ZPBP: variants seen among roughly 807,000 people sequenced by gnomAD.
The protein encoded by ZPBP is zona pellucida binding protein.
A neutral mutation model predicts 44.8 loss-of-function variants in ZPBP; 26 were observed. That is an observed-to-expected ratio of 0.58 (90% CI 0.43 to 0.81). The LOEUF (loss-of-function observed/expected upper bound fraction) is 0.81, where lower values mean the gene tolerates loss of function less well. Ranked by LOEUF, ZPBP falls within the 30% of genes least tolerant of loss-of-function variation. ZPBP has a pLI of 0.00. For missense variants in ZPBP, 409 were observed against 434.0 expected (o/e 0.94, Z 0.51); for synonymous variants, 174 against 153.2 (o/e 1.14, Z -1.00).
intron 1 of ZPBP, among the ~76,000 whole-genome samples, chr7:49,903,480 A>G (rs897304852): frequency 6.6e-6 from 1 of 152,192 alleles, no homozygotes; most frequent in Non-Finnish European, 1.5e-5. Context: ...TTAAAAGCCA[A>G]TCCCAAAGCC....
At chr7:49,856,851 T>C (rs1273318110) in intron 2 of ZPBP, among the ~76,000 whole-genome samples, 1 of 151,354 alleles carries the variant, frequency 6.6e-6, no homozygotes, top group Non-Finnish European at 1.5e-5. Context: ...CTACTAAAAA[T>C]ACAAAAAATT....
intron 2 of ZPBP, among the ~76,000 whole-genome samples, chr7:49,858,588 A>T (rs1790522112): frequency 6.6e-6 from 1 of 151,162 alleles, no homozygotes; most frequent in South Asian, 2.1e-4. Flanking sequence ...TAGCATTAGG[A>T]GATATACCTA....
At chr7:49,878,240 A>G (rs776987416) in intron 2 of ZPBP, among the ~76,000 whole-genome samples, 7 of 152,176 alleles carry the variant, frequency 4.6e-5, no homozygotes, top group Non-Finnish European at 8.8e-5. Context: ...TAAACACAGC[A>G]CACTGCAATA....
chr7:50,064,690 CAG>C (rs1801415224), intron 3 of ZPBP, among the ~76,000 whole-genome samples: 1 of 152,190 alleles, frequency 6.6e-6, no homozygotes, highest in Non-Finnish European at 1.5e-5. Flanking sequence ...CGCCAGCGGT[CAG>C]AGTTTAAGGT....
intron 3 of ZPBP, among the ~76,000 whole-genome samples, chr7:50,078,856 A>C (rs1465514553): frequency 6.6e-6 from 1 of 151,618 alleles, no homozygotes; most frequent in Non-Finnish European, 1.5e-5. Context: ...AACTTAACAA[A>C]ACAAACAAAA....
intron 1 of ZPBP, among the ~76,000 whole-genome samples, chr7:49,922,466 CCTT>C (rs1213726769): frequency 6.6e-6 from 1 of 152,174 alleles, no homozygotes; most frequent in Non-Finnish European, 1.5e-5. Context: ...TTAGAACAAT[CCTT>C]CTGCCAAGGG....
intron 2 of ZPBP, among the ~76,000 whole-genome samples, chr7:49,865,024 T>A (rs185820296): frequency 6.6e-6 from 1 of 152,004 alleles, no homozygotes; most frequent in Non-Finnish European, 1.5e-5. Flanking sequence ...TTTTCTGATA[T>A]CCCTCTATAT....
At chr7:50,090,306 A>G (rs1252409571) in intron 1 of ZPBP, among the ~76,000 whole-genome samples, 2 of 151,060 alleles carry the variant, frequency 1.3e-5, no homozygotes. Flanking sequence ...ATGCCTTTGC[A>G]TCCTCATAGC....
In ZPBP at chr7:49,895,023, A is replaced by G. The variant is rs141901823; in HGVS notation, n.509+6095T>C. On this transcript the variant is annotated intron_variant and non_coding_transcript_variant, in intron 2 of 2. Coordinates refer to the ZPBP transcript ENST00000465922. The stretch of plus-strand genomic sequence containing the variant: ...TAGGCCATTCTGATACTATATGTCT[A>G]AGTCCATTCATGCTACTATAACAAA... Among the ~76,000 whole-genome samples the G allele has an allele frequency of 2.4e-3, 362 of 152,320 alleles. 1 individual carries two copies. Among genetic ancestry groups the G allele is most frequent in the African/African-American group, 8.0e-3 (331 of 41,566 alleles).
intron 2 of ZPBP, among the ~76,000 whole-genome samples, chr7:49,892,906 A>G (rs950946607): frequency 1.3e-5 from 2 of 152,200 alleles, no homozygotes; most frequent in Admixed American, 6.5e-5. Context: ...GGTTCTCAGT[A>G]TATGTTAGCA....
At chr7:50,044,330 A>T (rs1800240743) in intron 4 of ZPBP, among the ~76,000 whole-genome samples, 1 of 152,224 alleles carries the variant, frequency 6.6e-6, no homozygotes, top group South Asian at 2.1e-4. Context: ...GCAGAACTAA[A>T]GGAGATACAA....
chr7:49,966,915 T>G (rs1450779209), intron 7 of ZPBP, among the ~76,000 whole-genome samples: 1 of 152,112 alleles, frequency 6.6e-6, no homozygotes, highest in African/African-American at 2.4e-5. Flanking sequence ...TTTTTCAGAA[T>G]GCTTTATCAA....
chr7:50,012,352 T>C (rs1034502324), intron 6 of ZPBP, among the ~76,000 whole-genome samples: 4 of 152,046 alleles, frequency 2.6e-5, no homozygotes, highest in African/African-American at 9.7e-5. Context: ...AACTAGTGCA[T>C]TCTATCAAAC....
chr7:50,057,059 C>T (rs1800977484), intron 4 of ZPBP, among the ~76,000 whole-genome samples: 1 of 152,046 alleles, frequency 6.6e-6, no homozygotes, highest in African/African-American at 2.4e-5. Flanking sequence ...GTGGCACGTG[C>T]CTGTAGTCCC....
chr7:49,872,266 C>T (rs1791189702), intron 2 of ZPBP, among the ~76,000 whole-genome samples: 1 of 152,012 alleles, frequency 6.6e-6, no homozygotes. Context: ...GTTGAAGAGA[C>T]AGTGACTGAG....
chr7:49,920,429 G>A (rs1366694929), intron 1 of ZPBP: 1 of 152,250 alleles, frequency 6.6e-6, no homozygotes, highest in East Asian at 1.9e-4. Context: ...TAGGAAAGGT[G>A]GATATAAATA....
chr7:49,998,284 A>G (rs1797943505), intron 6 of ZPBP, among the ~76,000 whole-genome samples: 1 of 152,190 alleles, frequency 6.6e-6, no homozygotes, highest in African/African-American at 2.4e-5. Flanking sequence ...TAATTTGGCC[A>G]GTCACAGGAT....
intron 1 of ZPBP, among the ~76,000 whole-genome samples, chr7:49,903,956 G>T (rs926782076): frequency 6.6e-6 from 1 of 152,146 alleles, no homozygotes; most frequent in African/African-American, 2.4e-5. Flanking sequence ...CTCACAGATT[G>T]GTTGGATCAG....
chr7:49,925,598 C>T (rs148533338), intron 1 of ZPBP, among the ~76,000 whole-genome samples: 24 of 152,320 alleles, frequency 1.6e-4, no homozygotes, highest in Admixed American at 1.0e-3. Context: ...TTGTTCAGAG[C>T]CTCTTTTAAG....
Sources: gnomAD v4.1 joint callset for allele counts (sites outside exome capture counted in the v4.1 genomes callset) on GRCh38, gnomAD v4.1.1 for gene constraint, MANE v1.5 for transcripts, NCBI Gene and HGNC (gene_info 2026-07-23, HGNC 2026-07-21) for gene names.